Variants in MARCHF5 observed in about 807,000 individuals in gnomAD.
MARCHF5 encodes membrane associated ring-CH-type finger 5, also known as E3 ubiquitin-protein ligase MARCHF5.
MARCHF5 carries 5 observed loss-of-function variants against 36.5 expected under a neutral mutation model. The observed-to-expected ratio is 0.14, with a 90% CI of 0.07 to 0.29. The LOEUF is 0.29. MARCHF5 is among the 10% of genes least tolerant of loss of function. The probability of loss-of-function intolerance (pLI) is 1.00; values close to 1 mark genes in which losing one functional copy is unlikely to be tolerated. For missense variants in MARCHF5, 179 were observed against 336.3 expected, an observed-to-expected ratio of 0.53 and a Z score of 3.66; for synonymous variants, 103 against 109.9, an observed-to-expected ratio of 0.94 and a Z score of 0.39.
intron 3 of MARCHF5, among the ~76,000 whole-genome samples, chr10:92,345,697 C>CTTTT (rs34971275): frequency 3.2e-5 from 4 of 123,630 alleles, no homozygotes; most frequent in East Asian, 2.4e-4. Context: ...TTTTTTTTTT[C>CTTTT]TTTTTTTTTT....
At chr10:92,321,013 C>G (rs1225543578) in intron 2 of MARCHF5, among the ~76,000 whole-genome samples, 1 of 151,946 alleles carries the variant, frequency 6.6e-6, no homozygotes, top group Non-Finnish European at 1.5e-5. Context: ...TGTACCTTTC[C>G]TATGTTTAGG....
intron 2 of MARCHF5, among the ~76,000 whole-genome samples, chr10:92,317,618 C>A (rs2135192270): frequency 6.6e-6 from 1 of 152,198 alleles, no homozygotes; most frequent in Non-Finnish European, 1.5e-5. Flanking sequence ...GTAAATTGAC[C>A]TTGTATCCTG....
intron 1 of MARCHF5, among the ~76,000 whole-genome samples, chr10:92,310,723 A>G (rs1843135186): frequency 6.6e-6 from 1 of 152,138 alleles, no homozygotes; most frequent in Admixed American, 6.6e-5. Context: ...TGTTTTTCCA[A>G]GTTCAAGGGA....
Position 92,353,330 on chromosome 10 carries a change from A to T in MARCHF5, c.*2123A>T, listed in dbSNP as rs187329499. The T allele has an allele frequency of 6.6e-6, 1 of 152,308 alleles. No homozygotes were observed. 9.4% of individuals were successfully genotyped at this position (152,308 alleles called of 1,614,324 possible). A position where few individuals can be genotyped will look rare whatever the true frequency, so the allele number is the denominator to read the frequency against. Reference sequence around the variant, plus strand: ...CATAGGCAGACTTAAAGTTGGATAGACCTGGGTTCAAATCATAGTTCAGCT... The same window carrying T: ...CATAGGCAGACTTAAAGTTGGATAGTCCTGGGTTCAAATCATAGTTCAGCT... On this transcript the variant is annotated 3_prime_UTR_variant, in exon 6 of 6. Coordinates refer to ENST00000358935, the MANE Select transcript of MARCHF5 (RefSeq NM_017824.5).
chr10:92,305,534 C>T (rs1843065517), intron 1 of MARCHF5, among the ~76,000 whole-genome samples: 1 of 152,100 alleles, frequency 6.6e-6, no homozygotes, highest in Admixed American at 6.5e-5. Flanking sequence ...GTGCTGGGTA[C>T]CCCCAGAGTT....
At chr10:92,302,423 G>A (rs757223519) in intron 1 of MARCHF5, among the ~76,000 whole-genome samples, 11 of 149,476 alleles carry the variant, frequency 7.4e-5, no homozygotes, top group Admixed American at 3.4e-4. Flanking sequence ...TAAGCAACAC[G>A]TAGTTTTCTT....
At chr10:92,302,536 C>A (rs953918581) in intron 1 of MARCHF5, among the ~76,000 whole-genome samples, 7 of 151,906 alleles carry the variant, frequency 4.6e-5, no homozygotes, top group African/African-American at 1.7e-4. Flanking sequence ...CCTCCGCCTC[C>A]CGAGTTCAAG....
intron 2 of MARCHF5, among the ~76,000 whole-genome samples, chr10:92,323,983 C>T (rs930257771): frequency 6.6e-6 from 1 of 152,188 alleles, no homozygotes; most frequent in Non-Finnish European, 1.5e-5. Context: ...TTGAAACTAT[C>T]CTCCAAAGTG....
chr10:92,332,187 A>G (rs530338977), intron 2 of MARCHF5, among the ~76,000 whole-genome samples: 1 of 151,912 alleles, frequency 6.6e-6, no homozygotes, highest in South Asian at 2.1e-4. Context: ...GGGGCAACAT[A>G]GCAAGATACC....
rs540441658 is a variant in MARCHF5 at position 92,333,156 on chromosome 10, G to A, written c.239-7517G>A. ...GCCTGGGCAACAAGAGTAAATCTCCGTCTTGCCAAAAGAAAAAAAAAAAAA... is the reference window on the plus strand; with the variant it reads ...GCCTGGGCAACAAGAGTAAATCTCCATCTTGCCAAAAGAAAAAAAAAAAAA... On this transcript the variant is annotated intron_variant, in intron 2 of 5. Transcript: ENST00000358935. Among the ~76,000 whole-genome samples the A allele has an allele frequency of 3.1e-4, 35 of 112,980 alleles. No homozygotes were observed. The South Asian group carries it at 0.01, about 33-fold the overall frequency. The allele number at this position is 112,980 out of a possible 152,430, so 74.1% of individuals were successfully genotyped here.
chr10:92,349,865 T>C (rs1189268414), intron 5 of MARCHF5, 28 bp downstream of exon 5: 1 of 1,566,674 alleles, frequency 6.4e-7, no homozygotes, highest in South Asian at 1.1e-5. Flanking sequence ...TTACTTATAT[T>C]ACCTTGCAAA....
intron 2 of MARCHF5, among the ~76,000 whole-genome samples, chr10:92,319,495 C>T (rs1843261467): frequency 1.3e-5 from 2 of 151,472 alleles, no homozygotes; most frequent in Non-Finnish European, 1.5e-5. Context: ...GGGGTTTCAC[C>T]GTGTTAGCCA....
chr10:92,341,887 C>T (rs984342666), intron 3 of MARCHF5, among the ~76,000 whole-genome samples: 1 of 148,340 alleles, frequency 6.7e-6, no homozygotes, highest in African/African-American at 2.5e-5. Flanking sequence ...ACTTCCTGGG[C>T]TCAGTCATCT....
intron 1 of MARCHF5, among the ~76,000 whole-genome samples, chr10:92,293,455 G>T (rs1048870389): frequency 2.0e-5 from 3 of 151,934 alleles, no homozygotes; most frequent in African/African-American, 7.3e-5. Flanking sequence ...ATGCTCTTTG[G>T]ATATTTCCAT....
In MARCHF5 at chr10:92,291,293, CG is replaced by C; in HGVS notation, c.-201del. On this transcript the variant is annotated 5_prime_UTR_variant, in exon 1 of 6. It introduces an in-frame stop codon into an upstream open reading frame of the 5' UTR. Transcript: ENST00000358935. ...CTCCCCGCCTCAGGCTCCTCCTCCT[CG>C]CTCTCCGCCGCCTCCGCCGGACTCC... The C allele has an allele frequency of 1.8e-6, 1 of 566,232 alleles. No homozygotes were observed. The highest frequency in any genetic ancestry group is 3.1e-6 in the Non-Finnish European group (1 of 326,786). The allele number at this position is 566,232 out of a possible 1,614,324, so 35.1% of individuals were successfully genotyped here.
chr10:92,337,781 A>G (rs1843521843), intron 2 of MARCHF5, among the ~76,000 whole-genome samples: 1 of 151,982 alleles, frequency 6.6e-6, no homozygotes, highest in Non-Finnish European at 1.5e-5. Context: ...CTAGTGCATA[A>G]GTGAGGGGAT....
intron 1 of MARCHF5, among the ~76,000 whole-genome samples, chr10:92,302,575 G>C (rs745793789): frequency 1.3e-5 from 2 of 151,884 alleles, no homozygotes; most frequent in Admixed American, 1.3e-4. Context: ...CTCCTGAGTA[G>C]CTGGGATTAC....
At chr10:92,321,980 C>T (rs919070110) in intron 2 of MARCHF5, among the ~76,000 whole-genome samples, 3 of 151,890 alleles carry the variant, frequency 2.0e-5, no homozygotes, top group Non-Finnish European at 4.4e-5. Context: ...CGTGGTGGCT[C>T]ATGCCTGTAA....
At chr10:92,311,059 TAAGTAAG>T in intron 1 of MARCHF5, 69 bp from the exon 2 acceptor site, 2 of 1,038,416 alleles carry the variant, frequency 1.9e-6, no homozygotes, top group Non-Finnish European at 2.9e-6. Context: ...CTCATCCCAT[TAAGTAAG>T]AGCTGCAGTA....
Sources: gnomAD v4.1 joint callset for allele counts (sites outside exome capture counted in the v4.1 genomes callset) on GRCh38, gnomAD v4.1.1 for gene constraint, MANE v1.5 for transcripts, NCBI Gene and HGNC (gene_info 2026-07-23, HGNC 2026-07-21) for gene names.